PLXDC2: variants seen among roughly 807,000 people sequenced by gnomAD.
The protein encoded by PLXDC2 is plexin domain containing 2, also known as plexin domain-containing protein 2.
Under a neutral mutation model 68.9 loss-of-function variants are expected in PLXDC2, and 40 were observed. That is an observed-to-expected ratio of 0.58 (90% CI 0.45 to 0.76). The LOEUF (loss-of-function observed/expected upper bound fraction) is 0.76, where lower values mean the gene tolerates loss of function less well. Among genes scored for constraint, PLXDC2 ranks in the 30% least tolerant of loss-of-function variants. PLXDC2 has a pLI of 0.00. For synonymous variants in PLXDC2, 243 were observed against 234.2 expected, an observed-to-expected ratio of 1.04 and a Z score of -0.34; for missense variants, 644 against 661.9, an observed-to-expected ratio of 0.97 and a Z score of 0.30.
intron 2 of PLXDC2, among the ~76,000 whole-genome samples, chr10:20,039,296 AACTC>A (rs1201877207): frequency 2.0e-5 from 3 of 152,192 alleles, no homozygotes; most frequent in Admixed American, 1.3e-4. Flanking sequence ...TAAAGATTTG[AACTC>A]CAATCTCTCA....
At chr10:19,996,278 C>T (rs1834841674) in intron 1 of PLXDC2, among the ~76,000 whole-genome samples, 1 of 151,954 alleles carries the variant, frequency 6.6e-6, no homozygotes, top group South Asian at 2.1e-4. Context: ...TCCATCTCTA[C>T]AAGAAATAAA....
intron 6 of PLXDC2, among the ~76,000 whole-genome samples, chr10:20,160,472 C>G (rs192614354): frequency 1.7e-3 from 252 of 152,128 alleles, no homozygotes; most frequent in Non-Finnish European, 2.7e-3. Flanking sequence ...TAACAATTTA[C>G]TTGTTGAAGC....
At chr10:20,214,286 T>C (rs1835107855) in intron 10 of PLXDC2, among the ~76,000 whole-genome samples, 1 of 152,162 alleles carries the variant, frequency 6.6e-6, no homozygotes, top group African/African-American at 2.4e-5. Context: ...GACAGCTATT[T>C]TTTTTTCTTT....
At chr10:20,095,628 G>A (rs1041695012) in intron 4 of PLXDC2, among the ~76,000 whole-genome samples, 8 of 152,200 alleles carry the variant, frequency 5.3e-5, no homozygotes, top group Admixed American at 5.2e-4. Context: ...AAAAGTGAAG[G>A]CAAGGAAGCT....
At chr10:19,840,275 A>G (rs924644721) in intron 1 of PLXDC2, among the ~76,000 whole-genome samples, 3 of 152,202 alleles carry the variant, frequency 2.0e-5, no homozygotes, top group Non-Finnish European at 4.4e-5. Flanking sequence ...AGAAGGGAGA[A>G]GATTAACATT....
chr10:20,063,254 G>A (rs2131701337), intron 3 of PLXDC2, among the ~76,000 whole-genome samples: 1 of 152,232 alleles, frequency 6.6e-6, no homozygotes, highest in South Asian at 2.1e-4. Flanking sequence ...AAATCACGGT[G>A]ACTACTAATT....
chr10:20,022,676 G>A (rs1435383533), intron 2 of PLXDC2, among the ~76,000 whole-genome samples: 3 of 152,062 alleles, frequency 2.0e-5, no homozygotes, highest in Non-Finnish European at 2.9e-5. Context: ...TTGCTTGCAC[G>A]ATAGCCTCCT....
intron 3 of PLXDC2, among the ~76,000 whole-genome samples, chr10:20,054,703 T>G (rs1221847928): frequency 6.6e-6 from 1 of 151,898 alleles, no homozygotes; most frequent in Non-Finnish European, 1.5e-5. Context: ...GGGCCTATTG[T>G]GAGGTGGGGT....
At chr10:20,208,548 A>G (rs565567552) in intron 9 of PLXDC2, among the ~76,000 whole-genome samples, 1 of 152,200 alleles carries the variant, frequency 6.6e-6, no homozygotes. Flanking sequence ...TTATATGTTA[A>G]CATTCAGGGG....
At chr10:19,869,089 T>C (rs1180244668) in intron 1 of PLXDC2, among the ~76,000 whole-genome samples, 4 of 152,096 alleles carry the variant, frequency 2.6e-5, no homozygotes, top group African/African-American at 9.7e-5. Flanking sequence ...CTCTATACTT[T>C]TCAACCTTTA....
At chr10:19,901,691 A>G (rs995860273) in intron 1 of PLXDC2, among the ~76,000 whole-genome samples, 2 of 151,596 alleles carry the variant, frequency 1.3e-5, no homozygotes, top group Admixed American at 6.6e-5. Flanking sequence ...TTTAAGTCCC[A>G]CCTATTTATT....
At chr10:19,957,715 C>A (rs1036412561) in intron 1 of PLXDC2, among the ~76,000 whole-genome samples, 2 of 152,068 alleles carry the variant, frequency 1.3e-5, no homozygotes, top group Admixed American at 1.3e-4. Context: ...TTGATGGGCC[C>A]TTTAGTAAAA....
chr10:19,850,146 A>G (rs930406741), intron 1 of PLXDC2, among the ~76,000 whole-genome samples: 1 of 152,314 alleles, frequency 6.6e-6, no homozygotes, highest in South Asian at 2.1e-4. Flanking sequence ...GGGTGATGCT[A>G]TTTAATGCTA....
At chr10:20,080,507 G>T (rs1836533569) in intron 4 of PLXDC2, among the ~76,000 whole-genome samples, 1 of 152,152 alleles carries the variant, frequency 6.6e-6, no homozygotes, top group Admixed American at 6.5e-5. Flanking sequence ...TCCAAAAGCT[G>T]AAGATCTTAG....
At chr10:19,976,248 C>T (rs189453879) in intron 1 of PLXDC2, among the ~76,000 whole-genome samples, 1 of 152,202 alleles carries the variant, frequency 6.6e-6, no homozygotes, top group Non-Finnish European at 1.5e-5. Flanking sequence ...GAGTCTCACT[C>T]TGTCACCCAG....
chr10:20,194,190 C>CTGTGTGTGTGTGTGTGTGTGTG (rs58142621), intron 9 of PLXDC2, among the ~76,000 whole-genome samples: 17 of 143,738 alleles, frequency 1.2e-4, no homozygotes, highest in Admixed American at 7.8e-4. Flanking sequence ...TTGAACTCAG[C>CTGTGTGTGTGTGTGTGTGTGTG]TGTGTGTGTG....
At chr10:19,936,741 A>T (rs1833731613) in intron 1 of PLXDC2, among the ~76,000 whole-genome samples, 2 of 152,180 alleles carry the variant, frequency 1.3e-5, no homozygotes, top group Non-Finnish European at 2.9e-5. Context: ...GTCACAAATT[A>T]TGTGCCTCCC....
intron 1 of PLXDC2, among the ~76,000 whole-genome samples, chr10:19,898,002 C>A (rs1463745752): frequency 6.6e-6 from 1 of 152,062 alleles, no homozygotes; most frequent in Non-Finnish European, 1.5e-5. Flanking sequence ...TAACATCAAA[C>A]TCATTAAGAA....
chr10:19,864,760 G>T (rs930837383), intron 1 of PLXDC2, among the ~76,000 whole-genome samples: 16 of 152,196 alleles, frequency 1.1e-4, no homozygotes, highest in Non-Finnish European at 1.3e-4. Context: ...CAGGTAAGTG[G>T]ACTGGGCAAA....
Sources: gnomAD v4.1 joint callset for allele counts (sites outside exome capture counted in the v4.1 genomes callset) on GRCh38, gnomAD v4.1.1 for gene constraint, MANE v1.5 for transcripts, NCBI Gene and HGNC (gene_info 2026-07-23, HGNC 2026-07-21) for gene names.